VXN: variants seen among roughly 807,000 people sequenced by gnomAD.
The protein encoded by VXN is uncharacterized protein C8orf46.
Under a neutral mutation model 23.1 loss-of-function variants are expected in VXN, and 7 were observed. The observed-to-expected ratio is 0.30, with a 90% CI of 0.17 to 0.57. The LOEUF is 0.57. Ranked by LOEUF, VXN falls within the 20% of genes least tolerant of loss-of-function variation. The probability of loss-of-function intolerance (pLI) is 0.91; values close to 1 mark genes in which losing one functional copy is unlikely to be tolerated. For synonymous variants in VXN, 120 were observed against 105.8 expected (o/e 1.13, Z -0.83); for missense variants, 238 against 272.6 (o/e 0.87, Z 0.89).
chr8:66,499,519 G>A (rs904177738), intron 2 of VXN, among the ~76,000 whole-genome samples: 3 of 151,880 alleles, frequency 2.0e-5, no homozygotes, highest in Non-Finnish European at 4.4e-5. Flanking sequence ...TTGCAGGTGT[G>A]AGCCACTGTG....
chr8:66,515,872 C>A (rs2130563068), intron 5 of VXN, 21 bp from the exon 6 acceptor site: 1 of 1,539,926 alleles, frequency 6.5e-7, no homozygotes, highest in East Asian at 2.4e-5. Flanking sequence ...CCCTCCCCAC[C>A]CACTCCTGGC....
chr8:66,515,874 A>G lies in VXN; in HGVS notation c.441-19A>G. On this transcript the variant is annotated intron_variant, in intron 5 of 5. Transcript: ENST00000305454. ...TGTGAGCAGACCACCCTCCCCACCC[A>G]CTCCTGGCTTTTCTTTAGATCCAGA... is the stretch of plus-strand genomic sequence containing the variant. 1 of 1,544,662 alleles carries G rather than the reference A, an allele frequency of 6.5e-7. No homozygotes were observed. Among genetic ancestry groups the G allele is most frequent in the Non-Finnish European group, 8.7e-7 (1 of 1,146,396 alleles).
intron 2 of VXN, among the ~76,000 whole-genome samples, chr8:66,498,075 G>A (rs1328668680): frequency 6.6e-6 from 1 of 151,910 alleles, no homozygotes; most frequent in African/African-American, 2.4e-5. Context: ...GGCTGAGGCA[G>A]GAGAATCGCT....
Position 66,500,453 on chromosome 8 carries a change from T to G in VXN, c.126+3961T>G, listed in dbSNP as rs114913387. Among the ~76,000 whole-genome samples, 542 of 152,364 alleles carry G rather than the reference T, an allele frequency of 3.6e-3. 6 individuals carry two copies. The highest frequency in any genetic ancestry group is 0.012 in the African/African-American group (501 of 41,576). On this transcript the variant is annotated intron_variant, in intron 2 of 5. Transcript: ENST00000305454. ...ATGTGATTCTTCATCTTTTCATAGA[T>G]GTATTGATCATTTCAACATTTTTTC...
intron 5 of VXN, among the ~76,000 whole-genome samples, chr8:66,515,409 C>T (rs545568178): frequency 6.6e-6 from 1 of 152,316 alleles, no homozygotes; most frequent in East Asian, 1.9e-4. Flanking sequence ...TCCAAAAAGC[C>T]CCATGAGTTA....
chr8:66,514,543 C>T (rs954325257), intron 5 of VXN, among the ~76,000 whole-genome samples: 1 of 152,164 alleles, frequency 6.6e-6, no homozygotes, highest in African/African-American at 2.4e-5. Flanking sequence ...TCAAACAATT[C>T]TCCAGCCTCC....
At chr8:66,514,678 C>T (rs1262579108) in intron 5 of VXN, among the ~76,000 whole-genome samples, 1 of 152,214 alleles carries the variant, frequency 6.6e-6, no homozygotes, top group African/African-American at 2.4e-5. Context: ...GATCCCCCTG[C>T]CTTGACCTCC....
At position 66,516,159 on chromosome 8, in the gene VXN, C is replaced by G; in HGVS notation, c.*83C>G. 1 of 1,271,426 alleles carries G rather than the reference C, an allele frequency of 7.9e-7. No homozygotes were observed. Among genetic ancestry groups the G allele is most frequent in the South Asian group, 1.5e-5 (1 of 66,048 alleles). The allele number at this position is 1,271,426 out of a possible 1,614,324, so 78.8% of individuals were successfully genotyped here. A position where few individuals can be genotyped will look rare whatever the true frequency, so the allele number is the denominator to read the frequency against. On this transcript the variant is annotated 3_prime_UTR_variant, in exon 6 of 6. Transcript: ENST00000305454. Reference sequence around the variant, plus strand: ...CCTTCAGGATTGAAACTGAGCCACACGCACCTCTGCTAGTAGCTGGTCCAA... The same window carrying G: ...CCTTCAGGATTGAAACTGAGCCACAGGCACCTCTGCTAGTAGCTGGTCCAA...
chr8:66,509,049 G>A (rs954547948), intron 3 of VXN, among the ~76,000 whole-genome samples: 8 of 152,308 alleles, frequency 5.3e-5, no homozygotes, highest in Admixed American at 2.0e-4. Flanking sequence ...ATACTTTTAC[G>A]GTTTATGCTC....
At chr8:66,506,855 C>G (rs1015441496) in intron 3 of VXN, among the ~76,000 whole-genome samples, 1 of 128,014 alleles carries the variant, frequency 7.8e-6, no homozygotes, top group Non-Finnish European at 1.5e-5. Context: ...ATTAGGAAAA[C>G]CACAATCTGC....
At chr8:66,512,931 G>T (rs541197345) in intron 4 of VXN, among the ~76,000 whole-genome samples, 2 of 152,352 alleles carry the variant, frequency 1.3e-5, no homozygotes, top group African/African-American at 4.8e-5. Context: ...AGGAGCAGCT[G>T]CAGAGTCAAT....
At chr8:66,510,304 C>T in intron 4 of VXN, 147 bp downstream of exon 4, 1 of 659,680 alleles carries the variant, frequency 1.5e-6, no homozygotes, top group Non-Finnish European at 2.5e-6. Flanking sequence ...GTTCTTTGCT[C>T]CCAAAAGCTC....
intron 2 of VXN, among the ~76,000 whole-genome samples, chr8:66,502,990 G>T (rs934358045): frequency 6.6e-6 from 1 of 151,916 alleles, no homozygotes; most frequent in African/African-American, 2.4e-5. Flanking sequence ...GGGACTACAG[G>T]CATGTGGCAC....
At chr8:66,513,124 C>A (rs1404937747) in intron 4 of VXN, among the ~76,000 whole-genome samples, 1 of 152,188 alleles carries the variant, frequency 6.6e-6, no homozygotes, top group East Asian at 1.9e-4. Flanking sequence ...CTAATCAAAG[C>A]AAGAATCTGC....
chr8:66,514,747 A>G (rs754897773), intron 5 of VXN, among the ~76,000 whole-genome samples: 14 of 152,108 alleles, frequency 9.2e-5, no homozygotes, highest in Non-Finnish European at 1.5e-4. Context: ...TGAAAGAGAT[A>G]ATATGTGGAG....
chr8:66,504,155 A>G (rs1807721360), intron 2 of VXN, among the ~76,000 whole-genome samples: 1 of 152,144 alleles, frequency 6.6e-6, no homozygotes, highest in Non-Finnish European at 1.5e-5. Flanking sequence ...CACTGTGCAG[A>G]GAAGAGATGG....
chr8:66,497,104 C>T (rs578243777), intron 2 of VXN, among the ~76,000 whole-genome samples: 22 of 152,230 alleles, frequency 1.4e-4, no homozygotes, highest in African/African-American at 5.3e-4. Context: ...AGGATGGTCT[C>T]GATCTCCTGA....
chr8:66,511,882 A>G (rs533401374), intron 4 of VXN, among the ~76,000 whole-genome samples: 5 of 152,294 alleles, frequency 3.3e-5, no homozygotes, highest in East Asian at 1.9e-4. Context: ...CCTGGCCAAC[A>G]TGGCGAAACC....
At chr8:66,505,743 T>G (rs1807747432) in intron 3 of VXN, among the ~76,000 whole-genome samples, 1 of 152,260 alleles carries the variant, frequency 6.6e-6, no homozygotes, top group Non-Finnish European at 1.5e-5. Flanking sequence ...ATCTTCTACC[T>G]ATAAAACAGT....
Sources: gnomAD v4.1 joint callset for allele counts (sites outside exome capture counted in the v4.1 genomes callset) on GRCh38, gnomAD v4.1.1 for gene constraint, MANE v1.5 for transcripts, NCBI Gene and HGNC (gene_info 2026-07-23, HGNC 2026-07-21) for gene names.